The following MAGI2 variants were observed in gnomAD, a reference collection of about 807,000 sequenced individuals.
The protein encoded by MAGI2 is membrane-associated guanylate kinase, WW and PDZ domain-containing protein 2.
A neutral mutation model predicts 133.3 loss-of-function variants in MAGI2; 35 were observed. The ratio of observed to expected loss-of-function variants is 0.26; its 90% CI spans 0.20 to 0.35. MAGI2 has a LOEUF of 0.35. Ranked by LOEUF, MAGI2 falls within the 10% of genes least tolerant of loss-of-function variation. The pLI, the probability that MAGI2 is intolerant of heterozygous loss-of-function variation, is 1.00. For missense variants in MAGI2, 1,636 were observed against 1,863.4 expected (o/e 0.88, Z 2.25); for synonymous variants, 729 against 710.6 (o/e 1.03, Z -0.41).
At chr7:78,855,192 C>A (rs1233619486) in intron 2 of MAGI2, among the ~76,000 whole-genome samples, 1 of 152,070 alleles carries the variant, frequency 6.6e-6, no homozygotes, top group African/African-American at 2.4e-5. Flanking sequence ...GGGCTCAAGC[C>A]ATCCTACCAC....
chr7:79,446,826 C>A (rs1848885393), intron 1 of MAGI2, among the ~76,000 whole-genome samples: 2 of 152,128 alleles, frequency 1.3e-5, no homozygotes, highest in South Asian at 4.1e-4. Context: ...ATGGCGGGCA[C>A]CTGTAGTCCC....
chr7:78,096,774 A>G (rs1351491213), intron 20 of MAGI2, among the ~76,000 whole-genome samples: 1 of 152,182 alleles, frequency 6.6e-6, no homozygotes, highest in Non-Finnish European at 1.5e-5. Context: ...AATGTGAACT[A>G]TTTGTCCCCT....
At position 79,013,768 on chromosome 7, in the gene MAGI2, G is replaced by C. The variant is rs191865188; in HGVS notation, c.302-6562C>G. On this transcript the variant is annotated intron_variant, in intron 1 of 21. Coordinates refer to ENST00000354212, the MANE Select transcript of MAGI2 (RefSeq NM_012301.4). ...CTACACAAAATCACTGCATGCATTT[G>C]ATCTAGACTAGACAGTCTATAAATT... 2.0e-3 allele frequency among the ~76,000 whole-genome samples: 299 copies of C among 152,170 alleles called. 2 individuals are homozygous for C. The highest frequency in any genetic ancestry group is 7.1e-3 in the African/African-American group (293 of 41,544).
intron 1 of MAGI2, among the ~76,000 whole-genome samples, chr7:79,359,300 A>G (rs1563150093): frequency 6.6e-6 from 1 of 152,146 alleles, no homozygotes; most frequent in Non-Finnish European, 1.5e-5. Context: ...CCAAAACTAA[A>G]CAGTAGAGAG....
chr7:78,297,080 T>C (rs1797326748), intron 9 of MAGI2, among the ~76,000 whole-genome samples: 3 of 152,196 alleles, frequency 2.0e-5, no homozygotes, highest in Admixed American at 2.0e-4. Context: ...GAATTACAAA[T>C]AATTTATGTA....
At chr7:79,042,537 C>G (rs952249189) in intron 1 of MAGI2, among the ~76,000 whole-genome samples, 1 of 152,096 alleles carries the variant, frequency 6.6e-6, no homozygotes, top group African/African-American at 2.4e-5. Flanking sequence ...TTCAAGGTTA[C>G]TATTTATATA....
intron 3 of MAGI2, among the ~76,000 whole-genome samples, chr7:78,607,940 T>C (rs73143174): frequency 1.0e-3 from 154 of 152,262 alleles, no homozygotes; most frequent in Non-Finnish European, 1.8e-3. Flanking sequence ...CAGGAACCTC[T>C]CAAGAAACCT....
At chr7:78,494,345 T>C (rs1793898139) in intron 5 of MAGI2, among the ~76,000 whole-genome samples, 2 of 152,168 alleles carry the variant, frequency 1.3e-5, no homozygotes. Flanking sequence ...TCATATAATC[T>C]ACATATGAAT....
At chr7:79,119,377 T>C (rs1028466438) in intron 1 of MAGI2, among the ~76,000 whole-genome samples, 1 of 152,116 alleles carries the variant, frequency 6.6e-6, no homozygotes, top group South Asian at 2.1e-4. Context: ...AACAAATACA[T>C]GGTTGTGTGC....
At chr7:78,288,435 T>C (rs1796368069) in intron 9 of MAGI2, among the ~76,000 whole-genome samples, 1 of 152,210 alleles carries the variant, frequency 6.6e-6, no homozygotes, top group Non-Finnish European at 1.5e-5. Context: ...ATCTTTTTTC[T>C]CAATGCTTTC....
chr7:78,432,411 C>T (rs1487174668), intron 6 of MAGI2, among the ~76,000 whole-genome samples: 2 of 152,000 alleles, frequency 1.3e-5, no homozygotes, highest in African/African-American at 2.4e-5. Flanking sequence ...TAAACAAATG[C>T]CCCACACATT....
At chr7:79,172,001 C>G (rs1001703618) in intron 1 of MAGI2, among the ~76,000 whole-genome samples, 15 of 151,448 alleles carry the variant, frequency 9.9e-5, no homozygotes, top group African/African-American at 3.6e-4. Context: ...CACATGCTCC[C>G]TGGGAAGTTA....
At chr7:78,701,687 C>T (rs1490921977) in intron 2 of MAGI2, among the ~76,000 whole-genome samples, 2 of 151,842 alleles carry the variant, frequency 1.3e-5, no homozygotes, top group Non-Finnish European at 2.9e-5. Context: ...TTCCTTCCTT[C>T]ATAAACTTTA....
intron 2 of MAGI2, among the ~76,000 whole-genome samples, chr7:78,670,476 C>G (rs185930602): frequency 4.6e-4 from 70 of 152,284 alleles, no homozygotes; most frequent in Non-Finnish European, 9.6e-4. Context: ...GAATCAATAT[C>G]ATGAAAATGG....
At chr7:79,444,259 A>C (rs1271046381) in intron 1 of MAGI2, among the ~76,000 whole-genome samples, 1 of 152,234 alleles carries the variant, frequency 6.6e-6, no homozygotes, top group East Asian at 1.9e-4. Flanking sequence ...GGCTCAAGAC[A>C]GGGATGCCCT....
intron 10 of MAGI2, among the ~76,000 whole-genome samples, chr7:78,210,841 G>A (rs1214689416): frequency 6.6e-6 from 1 of 152,122 alleles, no homozygotes; most frequent in African/African-American, 2.4e-5. Context: ...CAGAGAGGAG[G>A]GTCACTGGTG....
At position 78,761,996 on chromosome 7, in the gene MAGI2, G is replaced by A. The variant is rs531592662; in HGVS notation, c.419-134757C>T. On this transcript the variant is annotated intron_variant, in intron 2 of 21. Transcript: ENST00000354212. ...CTGACATGAGGCATGGACTCTATCC[G>A]GAATTAATTTTTCCTGTATCAAATT... is the stretch of plus-strand genomic sequence containing the variant. Among the ~76,000 whole-genome samples, 11 of 152,054 alleles carry A rather than the reference G, an allele frequency of 7.2e-5. No homozygotes were observed. The East Asian group carries it at 1.7e-3, about 24-fold the overall frequency.
intron 6 of MAGI2, among the ~76,000 whole-genome samples, chr7:78,385,833 T>C (rs1795334705): frequency 6.6e-6 from 1 of 152,356 alleles, no homozygotes; most frequent in Admixed American, 6.5e-5. Context: ...AATCATATAA[T>C]ACCAGCCTTA....
At chr7:78,089,758 CT>C (rs535830373) in intron 20 of MAGI2, among the ~76,000 whole-genome samples, 183 of 152,268 alleles carry the variant, frequency 1.2e-3, no homozygotes, top group African/African-American at 4.2e-3. Flanking sequence ...TTTCCCATTT[CT>C]CTTGCTGCCA....
Sources: allele counts gnomAD v4.1 joint callset (sites outside exome capture counted in the v4.1 genomes callset), GRCh38; gene constraint gnomAD v4.1.1; transcripts MANE v1.5; gene names NCBI Gene and HGNC (gene_info 2026-07-23, HGNC 2026-07-21).